CERS6: variants seen among roughly 807,000 people sequenced by gnomAD.
CERS6 encodes ceramide synthase 6, also known as LAG1 homolog, ceramide synthase 6.
Under a neutral mutation model 56.8 loss-of-function variants are expected in CERS6, and 26 were observed. The observed-to-expected ratio is 0.46, with a 90% CI of 0.34 to 0.63. The LOEUF is 0.63. Ranked by LOEUF, CERS6 falls within the 30% of genes least tolerant of loss-of-function variation. The pLI, the probability that CERS6 is intolerant of heterozygous loss-of-function variation, is 0.01. For missense variants in CERS6, 415 were observed against 467.5 expected (o/e 0.89, Z 1.04); for synonymous variants, 164 against 173.3 (o/e 0.95, Z 0.42).
intron 8 of CERS6, among the ~76,000 whole-genome samples, chr2:168,719,571 C>A (rs1057149616): frequency 1.3e-5 from 2 of 152,168 alleles, no homozygotes; most frequent in Admixed American, 1.3e-4. Flanking sequence ...CAACCCATTT[C>A]TTTGGATTCA....
At chr2:168,705,834 G>T (rs1008369366) in intron 6 of CERS6, among the ~76,000 whole-genome samples, 2 of 152,018 alleles carry the variant, frequency 1.3e-5, no homozygotes, top group Non-Finnish European at 2.9e-5. Context: ...TGTTCCAGGG[G>T]TTATTGCAAC....
intron 3 of CERS6, among the ~76,000 whole-genome samples, chr2:168,618,174 T>TC (rs1684364917): frequency 6.6e-6 from 1 of 152,056 alleles, no homozygotes; most frequent in Non-Finnish European, 1.5e-5. Flanking sequence ...TTTGACAAAA[T>TC]CCAGCATGGC....
At chr2:168,744,640 C>CTAT (rs1336762624) in intron 8 of CERS6, among the ~76,000 whole-genome samples, 2 of 152,066 alleles carry the variant, frequency 1.3e-5, no homozygotes, top group Non-Finnish European at 2.9e-5. Context: ...CTGCTGTCCT[C>CTAT]AATAAAGTGG....
chr2:168,690,758 C>CT (rs1223951970), intron 4 of CERS6, among the ~76,000 whole-genome samples: 1 of 152,106 alleles, frequency 6.6e-6, no homozygotes, highest in Admixed American at 6.5e-5. Flanking sequence ...AGGAATATGT[C>CT]TAAGTGACCA....
At position 168,545,181 on chromosome 2, in the gene CERS6, A is replaced by G. The variant is rs376381108; in HGVS notation, c.171-2415A>G. On this transcript the variant is annotated intron_variant, in intron 1 of 9. Coordinates refer to ENST00000305747, the MANE Select transcript of CERS6 (RefSeq NM_203463.3). ...TATTTGTAGAAACACATACATGTAC[A>G]TATATAATTATAATAATTTTTTCAC... is the stretch of plus-strand genomic sequence containing the variant. 4.6e-5 allele frequency among the ~76,000 whole-genome samples: 7 copies of G among 151,650 alleles called. No homozygotes were observed. In the East Asian group the frequency reaches 9.7e-4, roughly 21 times the overall value.
rs140368066 is a variant in CERS6, at chr2:168,686,612, C to G, written c.466-4422C>G. On this transcript the variant is annotated intron_variant, in intron 4 of 9. Transcript: ENST00000305747. ...TTTCTAAACCTAAAATTCAGTGTTTCTAGGTAATAGCTCATTTGGGGGAAT... is the reference window on the plus strand; with the variant it reads ...TTTCTAAACCTAAAATTCAGTGTTTGTAGGTAATAGCTCATTTGGGGGAAT... Among the ~76,000 whole-genome samples the G allele has an allele frequency of 7.4e-3, 1,129 of 152,154 alleles. 12 individuals carry two copies. Among genetic ancestry groups the G allele is most frequent in the African/African-American group, 0.025 (1,033 of 41,510 alleles).
chr2:168,510,013 C>T (rs1694750352), intron 1 of CERS6, among the ~76,000 whole-genome samples: 1 of 151,486 alleles, frequency 6.6e-6, no homozygotes, highest in African/African-American at 2.4e-5. Context: ...CAATAACATG[C>T]CCAAAAAATA....
chr2:168,475,686 A>G (rs1188879636), intron 1 of CERS6, among the ~76,000 whole-genome samples: 3 of 152,218 alleles, frequency 2.0e-5, no homozygotes, highest in South Asian at 2.1e-4. Context: ...TAAGTTTACT[A>G]GAAGTAGCTA....
chr2:168,771,049 G>A lies in CERS6; in HGVS notation c.*1387G>A. ...ATTTTATCTCTTCTTCTAACTTTTA[G>A]TAAGAGGAAAAAGGGATTATAAAAC... is the stretch of plus-strand genomic sequence containing the variant. On this transcript the variant is annotated 3_prime_UTR_variant, in exon 10 of 10. Coordinates refer to ENST00000305747, the MANE Select transcript of CERS6 (RefSeq NM_203463.3). The A allele has an allele frequency of 6.6e-6, 1 of 152,124 alleles. No individual in the cohort carries two copies. Among genetic ancestry groups the A allele is most frequent in the East Asian group, 1.9e-4 (1 of 5,200 alleles). 9.4% of individuals were successfully genotyped at this position (152,124 alleles called of 1,614,324 possible).
intron 8 of CERS6, among the ~76,000 whole-genome samples, chr2:168,760,880 C>T (rs1345937551): frequency 3.3e-5 from 5 of 152,054 alleles, no homozygotes; most frequent in Admixed American, 1.3e-4. Flanking sequence ...CTCAGCCTCC[C>T]GCGTAGCTGG....
Position 168,520,598 on chromosome 2 carries a change from C to CTTTTTT in CERS6, c.171-26974_171-26969dup, listed in dbSNP as rs150724635. Reference sequence around the variant, plus strand: ...TTAACTCTTTAACATTTACAATATCCTTTTTTTTTTTTTTTTTTTTTTTTT... The same window carrying CTTTTTT: ...TTAACTCTTTAACATTTACAATATCCTTTTTTTTTTTTTTTTTTTTTTTTTTTTTTT... On this transcript the variant is annotated intron_variant, in intron 1 of 9. Coordinates refer to ENST00000305747, the MANE Select transcript of CERS6 (RefSeq NM_203463.3). 4.2e-3 allele frequency among the ~76,000 whole-genome samples: 244 copies of CTTTTTT among 57,884 alleles called. 28 individuals are homozygous for CTTTTTT. Among genetic ancestry groups the CTTTTTT allele is most frequent in the African/African-American group, 6.3e-3 (111 of 17,598 alleles). The allele number at this position is 57,884 out of a possible 152,430, so 38.0% of individuals were successfully genotyped here.
At chr2:168,641,194 A>T (rs911421585) in intron 4 of CERS6, among the ~76,000 whole-genome samples, 1 of 151,864 alleles carries the variant, frequency 6.6e-6, no homozygotes, top group African/African-American at 2.4e-5. Context: ...GCCCCATTTC[A>T]CCCTTCTCTG....
At chr2:168,518,724 G>A (rs1558981309) in intron 1 of CERS6, among the ~76,000 whole-genome samples, 1 of 152,100 alleles carries the variant, frequency 6.6e-6, no homozygotes, top group Non-Finnish European at 1.5e-5. Context: ...TAGTCTTTTT[G>A]CAGCCACCAC....
intron 3 of CERS6, among the ~76,000 whole-genome samples, chr2:168,581,563 T>C (rs575051181): frequency 2.6e-5 from 4 of 152,208 alleles, no homozygotes; most frequent in Non-Finnish European, 4.4e-5. Context: ...TATTTCTGTT[T>C]ATTATCTTCT....
chr2:168,697,419 C>A (rs914851779), intron 6 of CERS6, among the ~76,000 whole-genome samples: 19 of 152,168 alleles, frequency 1.2e-4, no homozygotes, highest in African/African-American at 3.6e-4. Flanking sequence ...AGTGTCAATA[C>A]ATGTAGACTG....
chr2:168,518,205 A>C (rs1483596580), intron 1 of CERS6, among the ~76,000 whole-genome samples: 5 of 152,198 alleles, frequency 3.3e-5, no homozygotes, highest in Non-Finnish European at 5.9e-5. Context: ...GCTCTACTAC[A>C]CAACCTAACA....
At chr2:168,580,195 T>C (rs1202144879) in intron 3 of CERS6, among the ~76,000 whole-genome samples, 2 of 152,226 alleles carry the variant, frequency 1.3e-5, no homozygotes, top group African/African-American at 2.4e-5. Flanking sequence ...TTGTTTTTTT[T>C]CCACCAGATC....
chr2:168,543,601 G>A (rs1695412328), intron 1 of CERS6, among the ~76,000 whole-genome samples: 1 of 151,740 alleles, frequency 6.6e-6, no homozygotes, highest in African/African-American at 2.4e-5. Flanking sequence ...GCCTTTTTTT[G>A]GAGAATAAAC....
At chr2:168,569,343 T>C (rs1251213189) in intron 3 of CERS6, among the ~76,000 whole-genome samples, 2 of 152,190 alleles carry the variant, frequency 1.3e-5, no homozygotes, top group Non-Finnish European at 2.9e-5. Flanking sequence ...CTTCAACGTA[T>C]GTGTTCTGGG....
Sources: gnomAD v4.1 joint callset for allele counts (sites outside exome capture counted in the v4.1 genomes callset) on GRCh38, gnomAD v4.1.1 for gene constraint, MANE v1.5 for transcripts, NCBI Gene and HGNC (gene_info 2026-07-23, HGNC 2026-07-21) for gene names.